Variants in ACKR1 observed in about 807,000 individuals in gnomAD.
The protein encoded by ACKR1 is atypical chemokine receptor 1 (Duffy blood group).
In ACKR1, 3 loss-of-function variants were observed where a neutral mutation model predicts 2.5. The ratio of observed to expected loss-of-function variants is 1.18; its 90% CI spans 0.54 to 3.06. The LOEUF (loss-of-function observed/expected upper bound fraction) is 3.06, where lower values mean the gene tolerates loss of function less well. Among genes scored for constraint, ACKR1 ranks in the 30% most tolerant of loss-of-function variants. The pLI is 0.03. For synonymous variants in ACKR1, 208 were observed against 178.2 expected (o/e 1.17, Z -1.33); for missense variants, 438 against 395.2 (o/e 1.11, Z -0.92).
At position 159,206,285 on chromosome 1, in the gene ACKR1, G is replaced by A; in HGVS notation, c.846G>A (p.Leu282=). ...CAACATGTCTGGCCCAGCAGGCTCT[G>A]GACCTGCTGCTGAACCTGGCAGAAG... is the stretch of plus-strand genomic sequence containing the variant. ...LLSTCLAQQA[L]DLLLNLAEAL... is the part of the protein sequence containing the mutation. The change falls in exon 2 of 2, where the codon CTG becomes CTA. Residue 282 remains leucine, a synonymous_variant. Transcript: ENST00000368122. The A allele has an allele frequency of 6.2e-7, 1 of 1,614,212 alleles. No homozygotes were observed. The highest frequency in any genetic ancestry group is 8.5e-7 in the Non-Finnish European group (1 of 1,180,044).
chr1:159,205,720 C>T lies in ACKR1; in HGVS notation c.281C>T (p.Pro94Leu), dbSNP rs376764336. 10 of 1,614,046 alleles carry T rather than the reference C, an allele frequency of 6.2e-6. No individual in the cohort carries two copies. Among genetic ancestry groups the T allele is most frequent in the Non-Finnish European group, 8.5e-6 (10 of 1,179,892 alleles). ...CCTCTCTTCCGCTGGCAGCTCTGCC[C>T]TGGCTGGCCTGTCCTGGCACAGCTG... ...FRPLFRWQLCPGWPVLAQLAV... is the reference protein window; with the variant it reads ...FRPLFRWQLCLGWPVLAQLAV... The change falls in exon 2 of 2, where the codon CCT becomes CTT. Residue 94 changes from proline (P) to leucine (L), a missense_variant. By Grantham distance (98) the Pro-to-Leu change is moderately conservative (BLOSUM62 -3). Transcript: ENST00000368122.
Position 159,205,653 on chromosome 1 carries a change from G to A in ACKR1, c.214G>A (p.Gly72Ser), listed in dbSNP as rs1054826033. 3.1e-6 allele frequency: 5 copies of A among 1,614,038 alleles called. No individual in the cohort carries two copies. Among genetic ancestry groups the A allele is most frequent in the Non-Finnish European group, 4.2e-6 (5 of 1,180,028 alleles). Reference sequence around the variant, plus strand: ...CTTCTTCATCCTCACCAGTGTCCTGGGTATCCTAGCTAGCAGCACTGTCCT... The same window carrying A: ...CTTCTTCATCCTCACCAGTGTCCTGAGTATCCTAGCTAGCAGCACTGTCCT... Reference protein sequence around the residue: ...LPFFILTSVLGILASSTVLFM... With the variant: ...LPFFILTSVLSILASSTVLFM... The change falls in exon 2 of 2, where the codon GGT (glycine) becomes AGT (serine). Residue 72 changes from glycine (G) to serine (S), a missense_variant. Transcript: ENST00000368122.
In ACKR1 at chr1:159,206,397, C is replaced by T. The variant is rs772152809; in HGVS notation, c.958C>T (p.Pro320Ser). Residue 320 changes from proline to serine, a missense_variant, in exon 2 of 2, where the codon CCC becomes TCC. Physicochemically the swap from Pro to Ser is moderately conservative, Grantham distance 74. Transcript: ENST00000368122. ...CACCCGCACCCTCTTGCCCTCTCTG[C>T]CCCTCCCTGAAGGATGGTCTTCTCA... ...QATRTLLPSL[P>S]LPEGWSSHLD... 1.1e-5 allele frequency: 17 copies of T among 1,614,196 alleles called. No homozygotes were observed. The East Asian group carries it at 3.8e-4, about 36-fold the overall frequency.
chr1:159,205,020 G>A, intron 1 of ACKR1, 40 bp downstream of exon 1: 1 of 1,601,972 alleles, frequency 6.2e-7, no homozygotes, highest in Admixed American at 1.7e-5. Flanking sequence ...TTATCCCTAT[G>A]CCCCTCATTT....
At position 159,205,670 on chromosome 1, in the gene ACKR1, C is replaced by T. The variant is rs1242308165; in HGVS notation, c.231C>T (p.Ser77=). The T allele has an allele frequency of 1.9e-6, 3 of 1,614,130 alleles. No homozygotes were observed. The East Asian group carries it at 6.7e-5, about 36-fold the overall frequency. ...LTSVLGILAS[S]TVLFMLFRPL... ...GTGTCCTGGGTATCCTAGCTAGCAG[C>T]ACTGTCCTCTTCATGCTTTTCAGAC... The change falls in exon 2 of 2, where the codon AGC becomes AGT. Residue 77 remains serine, a synonymous_variant. Transcript: ENST00000368122.
At chr1:159,205,201 G>T in intron 1 of ACKR1, 1 of 602,064 alleles carries the variant, frequency 1.7e-6, no homozygotes, top group Non-Finnish European at 2.6e-6. Context: ...GTTCCATCCT[G>T]GTCTCTTGGT....
chr1:159,206,144 G>C lies in ACKR1; in HGVS notation c.705G>C (p.Leu235Phe), dbSNP rs1351160483. The change falls in exon 2 of 2, where the codon TTG becomes TTC. Residue 235 changes from leucine to phenylalanine, a missense_variant. By Grantham distance (22) the Leu-to-Phe change is conservative. Coordinates refer to ENST00000368122, the MANE Select transcript of ACKR1 (RefSeq NM_002036.4). ...LFGAKGLKKALGMGPGPWMNI... is the reference protein window; with the variant it reads ...LFGAKGLKKAFGMGPGPWMNI... ...GAGCCAAGGGGCTGAAGAAGGCATT[G>C]GGTATGGGGCCAGGCCCCTGGATGA... 1.2e-6 allele frequency: 2 copies of C among 1,614,216 alleles called. No homozygotes were observed. The highest frequency in any genetic ancestry group is 3.3e-5 in the Admixed American group (2 of 60,032).
In ACKR1 at chr1:159,205,726, G is replaced by A. The variant is rs750052723; in HGVS notation, c.287G>A (p.Trp96Ter). The change falls in exon 2 of 2, where the codon TGG (tryptophan) becomes TAG (stop). Residue 96 changes from tryptophan (W) to a stop codon, truncating the protein, a stop_gained. Coordinates refer to ENST00000368122, the MANE Select transcript of ACKR1 (RefSeq NM_002036.4). LOFTEE classifies it low-confidence loss of function (END_TRUNC). ...PLFRWQLCPG[W>*]PVLAQLAVGS... ...TTCCGCTGGCAGCTCTGCCCTGGCTGGCCTGTCCTGGCACAGCTGGCTGTG... is the reference window on the plus strand; with the variant it reads ...TTCCGCTGGCAGCTCTGCCCTGGCTAGCCTGTCCTGGCACAGCTGGCTGTG... 15 of 1,614,004 alleles carry A rather than the reference G, an allele frequency of 9.3e-6. No individual in the cohort carries two copies. Among genetic ancestry groups the A allele is most frequent in the Non-Finnish European group, 1.2e-5 (14 of 1,179,892 alleles).
intron 1 of ACKR1, 90 bp downstream of exon 1, chr1:159,205,070 TTCC>T (rs1650393425): frequency 2.1e-6 from 3 of 1,440,376 alleles, no homozygotes; most frequent in Non-Finnish European, 2.8e-6. Flanking sequence ...TCTCTTCCTT[TTCC>T]TCCTCATCTT....
rs1650408455 is a variant in ACKR1, at chr1:159,205,483, A to G, written c.44A>G (p.Glu15Gly). ...LHRAELSPST[E>G]NSSQLDFEDV... ...CAGGCGGAGCTCTCCCCCTCAACTG[A>G]GAACTCAAGTCAGCTGGACTTCGAA... is the stretch of plus-strand genomic sequence containing the variant. Residue 15 changes from glutamate (E) to glycine (G), a missense_variant, in exon 2 of 2, where the codon GAG (glutamate) becomes GGG (glycine). By Grantham distance (98) the Glu-to-Gly change is moderately conservative. Coordinates refer to ENST00000368122, the MANE Select transcript of ACKR1 (RefSeq NM_002036.4). 5 of 1,612,572 alleles carry G rather than the reference A, an allele frequency of 3.1e-6. No homozygotes were observed. The African/African-American group carries it at 6.7e-5, about 21-fold the overall frequency.
rs766747258 is a variant in ACKR1 at position 159,205,861 on chromosome 1, TTGCCC to T, written c.423_427del (p.Phe141LeufsTer181). 1 of 1,614,096 alleles carries T rather than the reference TTGCCC, an allele frequency of 6.2e-7. No homozygotes were observed. ...TACTGTGTCTGGTATGGCTCAGCCT[TTGCCC>T]AGGCTTTGCTGCTAGGGTGCCATGC... On this transcript the variant is annotated frameshift_variant, in exon 2 of 2. Transcript: ENST00000368122. LOFTEE classifies it low-confidence loss of function (END_TRUNC).
chr1:159,205,421 C>A (rs373948235), intron 1 of ACKR1, 40 bp from the exon 2 acceptor site: 10 of 1,573,476 alleles, frequency 6.4e-6, no homozygotes, highest in Non-Finnish European at 3.5e-6. Context: ...GAGACTCTTC[C>A]GGTGTAACTC....
At chr1:159,205,345 G>A in intron 1 of ACKR1, 116 bp from the exon 2 acceptor site, 1 of 1,293,336 alleles carries the variant, frequency 7.7e-7, no homozygotes, top group South Asian at 1.4e-5. Context: ...GACTCCTGCA[G>A]AGACCTTGTT....
Position 159,205,481 on chromosome 1 carries a change from T to G in ACKR1, c.42T>G (p.Thr14=). The G allele has an allele frequency of 1.9e-6, 3 of 1,612,430 alleles. No individual in the cohort carries two copies. Among genetic ancestry groups the G allele is most frequent in the Non-Finnish European group, 2.5e-6 (3 of 1,178,952 alleles). The part of the protein sequence containing the change: ...CLHRAELSPS[T]ENSSQLDFED... ...TCCAGGCGGAGCTCTCCCCCTCAAC[T>G]GAGAACTCAAGTCAGCTGGACTTCG... The change falls in exon 2 of 2, where the codon ACT becomes ACG. Residue 14 remains threonine, a synonymous_variant. Coordinates refer to ENST00000368122, the MANE Select transcript of ACKR1 (RefSeq NM_002036.4).
intron 1 of ACKR1, chr1:159,205,256 C>T (rs1650400961): frequency 1.4e-6 from 1 of 722,814 alleles, no homozygotes; most frequent in Non-Finnish European, 2.2e-6. Context: ...CCCCAGCTGC[C>T]CTGGCTTCCC....
In ACKR1 at chr1:159,205,864, C is replaced by T; in HGVS notation, c.425C>T (p.Ala142Val). The T allele has an allele frequency of 6.2e-7, 1 of 1,614,062 alleles. No homozygotes were observed. The highest frequency in any genetic ancestry group is 8.5e-7 in the Non-Finnish European group (1 of 1,180,002). ...TGTGTCTGGTATGGCTCAGCCTTTG[C>T]CCAGGCTTTGCTGCTAGGGTGCCAT... is the stretch of plus-strand genomic sequence containing the variant. ...GYCVWYGSAFAQALLLGCHAS... is the reference protein window; with the variant it reads ...GYCVWYGSAFVQALLLGCHAS... The change falls in exon 2 of 2, where the codon GCC (alanine) becomes GTC (valine). Residue 142 changes from alanine (A) to valine (V), a missense_variant. Transcript: ENST00000368122.
At chr1:159,205,431 C>T (rs867065767) in intron 1 of ACKR1, 30 bp from the exon 2 acceptor site, 1 of 1,585,612 alleles carries the variant, frequency 6.3e-7, no homozygotes, top group Non-Finnish European at 8.6e-7. Flanking sequence ...CGGTGTAACT[C>T]TGATGGCCTC....
Position 159,205,277 on chromosome 1 carries a change from C to T in ACKR1, c.22-184C>T, listed in dbSNP as rs1650401576. 27 of 792,712 alleles carry T rather than the reference C, an allele frequency of 3.4e-5. 1 individual carries two copies. The highest frequency in any genetic ancestry group is 5.3e-5 in the Non-Finnish European group (27 of 510,300). The allele number at this position is 792,712 out of a possible 1,614,324, so 49.1% of individuals were successfully genotyped here. The stretch of plus-strand genomic sequence containing the variant: ...CTGCCCTGGCTTCCCCAGGACTGTT[C>T]CTGCTCCGGCTCTTCAGGCTCCCTG... On this transcript the variant is annotated intron_variant, in intron 1 of 1. Transcript: ENST00000368122.
At position 159,206,491 on chromosome 1, in the gene ACKR1, C is replaced by G. The variant is rs1650459220; in HGVS notation, c.*41C>G. 6.5e-7 allele frequency: 1 copy of G among 1,542,588 alleles called. No homozygotes were observed. Among genetic ancestry groups the G allele is most frequent in the Non-Finnish European group, 8.8e-7 (1 of 1,139,212 alleles). On this transcript the variant is annotated 3_prime_UTR_variant, in exon 2 of 2. Coordinates refer to ENST00000368122, the MANE Select transcript of ACKR1 (RefSeq NM_002036.4). ...TCAACCTGAATTAAAGTCTACACTG[C>G]CTTTGTGAAGCGGGTGGTTTCTTAT...
Sources: gnomAD v4.1 joint callset for allele counts on GRCh38, gnomAD v4.1.1 for gene constraint, MANE v1.5 for transcripts, NCBI Gene and HGNC (gene_info 2026-07-23, HGNC 2026-07-21) for gene names.